The following SMG6 variants were observed in gnomAD, a reference collection of about 807,000 sequenced individuals.
SMG6 encodes SMG6 nonsense mediated mRNA decay factor, also known as telomerase-binding protein EST1A.
A neutral mutation model predicts 142.2 loss-of-function variants in SMG6; 66 were observed. That is an observed-to-expected ratio of 0.46 (90% confidence interval 0.38 to 0.57). The LOEUF (loss-of-function observed/expected upper bound fraction) is 0.57, where lower values mean the gene tolerates loss of function less well. SMG6 is among the 20% of genes least tolerant of loss of function. The pLI, the probability that SMG6 is intolerant of heterozygous loss-of-function variation, is 0.00. For missense variants in SMG6, 1,793 were observed against 1,832.0 expected (o/e 0.98, Z 0.39); for synonymous variants, 779 against 702.4 (o/e 1.11, Z -1.72).
At chr17:2,297,681 CA>C (rs1165145325) in intron 3 of SMG6, among the ~76,000 whole-genome samples, 181 bp downstream of exon 3, 2 of 152,126 alleles carry the variant, frequency 1.3e-5, no homozygotes, top group African/African-American at 4.8e-5. Context: ...CTCAAAACTC[CA>C]ATTGCCAGTA....
chr17:2,299,697 G>C lies in SMG6; in HGVS notation c.1056C>G (p.Val352=), dbSNP rs147222873. 6.2e-7 allele frequency: 1 copy of C among 1,614,048 alleles called. No individual in the cohort carries two copies. Among genetic ancestry groups the C allele is most frequent in the African/African-American group, 1.3e-5 (1 of 74,914 alleles). Residue 352 remains valine (V), a synonymous_variant, in exon 2 of 19, where the codon GTC becomes GTG. Coordinates refer to ENST00000263073, the MANE Select transcript of SMG6 (RefSeq NM_017575.5). This position sits in a 1 kb window ranked among gnomAD's most constrained non-coding sequence, Gnocchi z 4.3. The part of the protein sequence containing the change: ...SAKEYRGTLR[V]TFDAEAMNKE... ...TGTTCATGGCTTCTGCATCGAAAGT[G>C]ACACGAAGAGTGCCTCGATATTCTT... is the stretch of plus-strand genomic sequence containing the variant.
Position 2,244,477 on chromosome 17 carries a change from T to C in SMG6, c.2723+181A>G, listed in dbSNP as rs559809715. 4.6e-5 allele frequency among the ~76,000 whole-genome samples: 7 copies of C among 152,156 alleles called. No individual in the cohort carries two copies. In the South Asian group the frequency reaches 1.5e-3, roughly 32 times the overall value. ...AAGAAACAAGAGAGATAGAGAGTAA[T>C]ATTTACCAAATTTCATGAGCACAGT... On this transcript the variant is annotated intron_variant, in intron 9 of 18. Coordinates refer to ENST00000263073, the MANE Select transcript of SMG6 (RefSeq NM_017575.5).
intron 8 of SMG6, chr17:2,265,923 G>T: frequency 1.1e-6 from 1 of 917,660 alleles, no homozygotes; most frequent in Non-Finnish European, 1.3e-6. Context: ...TCAGAACTTA[G>T]CCTTACCACC....
At chr17:2,153,424 T>C (rs2070887069) in intron 13 of SMG6, among the ~76,000 whole-genome samples, 2 of 152,242 alleles carry the variant, frequency 1.3e-5, no homozygotes, top group African/African-American at 4.8e-5. Context: ...AAATGGTCTA[T>C]ATCTTAATTG....
intron 13 of SMG6, among the ~76,000 whole-genome samples, chr17:2,099,833 C>T (rs569053206): frequency 1.1e-4 from 17 of 152,258 alleles, no homozygotes; most frequent in African/African-American, 2.6e-4. Flanking sequence ...CACAATCACA[C>T]GCTGAGCTTA....
chr17:2,135,996 ATG>A (rs545225787), intron 13 of SMG6, among the ~76,000 whole-genome samples: 24,302 of 140,950 alleles, frequency 0.17, 1,910 homozygotes, highest in East Asian at 0.26. Context: ...ATATATATTT[ATG>A]TGTGTGTGTG....
chr17:2,126,483 T>C (rs1252411563), intron 13 of SMG6, among the ~76,000 whole-genome samples: 3 of 152,044 alleles, frequency 2.0e-5, no homozygotes, highest in Admixed American at 1.3e-4. Flanking sequence ...CCCAGCACTT[T>C]GGGAGGCTGA....
intron 15 of SMG6, 71 bp downstream of exon 15, chr17:2,081,739 C>A: frequency 6.4e-7 from 1 of 1,569,502 alleles, no homozygotes. Flanking sequence ...GCTCTGCTCT[C>A]TGCCCACATC....
chr17:2,300,571 T>C lies in SMG6; in HGVS notation c.182A>G (p.Asn61Ser), dbSNP rs1023583648. 2 of 1,614,072 alleles carry C rather than the reference T, an allele frequency of 1.2e-6. No homozygotes were observed. Among genetic ancestry groups the C allele is most frequent in the Non-Finnish European group, 1.7e-6 (2 of 1,179,952 alleles). The change falls in exon 2 of 19, where the codon AAC (asparagine) becomes AGC (serine). Residue 61 changes from asparagine (N) to serine (S), a missense_variant. Physicochemically the swap from Asn to Ser is conservative, Grantham distance 46 (BLOSUM62 1). Transcript: ENST00000263073. ...IYKPGLSRLR[N>S]KPKIKEPPGS... Reference sequence around the variant, plus strand: ...AGGGGGTTCCTTGATTTTGGGCTTGTTCCTTAGCCGAGAAAGGCCAGGCTT... The same window carrying C: ...AGGGGGTTCCTTGATTTTGGGCTTGCTCCTTAGCCGAGAAAGGCCAGGCTT...
intron 13 of SMG6, among the ~76,000 whole-genome samples, chr17:2,112,658 T>C (rs1463954027): frequency 1.3e-5 from 2 of 151,262 alleles, no homozygotes; most frequent in Non-Finnish European, 2.9e-5. Context: ...CACTAGGGAA[T>C]TGAGAACAAA....
chr17:2,127,139 A>C (rs988149179), intron 13 of SMG6, among the ~76,000 whole-genome samples: 19 of 121,670 alleles, frequency 1.6e-4, no homozygotes, highest in Admixed American at 3.1e-4. Context: ...ACCTTGTCTC[A>C]AAAAAAAAAA....
intron 10 of SMG6, 59 bp downstream of exon 10, chr17:2,236,433 G>A (rs2073654863): frequency 6.5e-7 from 1 of 1,547,490 alleles, no homozygotes; most frequent in South Asian, 1.2e-5. Context: ...ACACAAGAAA[G>A]AAGCTACATT....
intron 10 of SMG6, among the ~76,000 whole-genome samples, chr17:2,213,381 T>C (rs1031124381): frequency 6.6e-6 from 1 of 152,150 alleles, no homozygotes; most frequent in African/African-American, 2.4e-5. Flanking sequence ...GTGCCACAGA[T>C]GGAGCTGTGG....
At chr17:2,283,006 A>G (rs1244474601) in intron 7 of SMG6, 147 bp from the exon 8 acceptor site, 1 of 696,550 alleles carries the variant, frequency 1.4e-6, no homozygotes, top group East Asian at 2.7e-5. Context: ...CCCTGTCTCT[A>G]CTAAAAATAC....
At chr17:2,152,286 G>A (rs1044631739) in intron 13 of SMG6, among the ~76,000 whole-genome samples, 4 of 152,162 alleles carry the variant, frequency 2.6e-5, no homozygotes, top group Admixed American at 2.6e-4. Flanking sequence ...AGCTTCAAAA[G>A]GGGTGGTCCT....
At chr17:2,147,930 C>T (rs780307466) in intron 13 of SMG6, among the ~76,000 whole-genome samples, 5 of 152,138 alleles carry the variant, frequency 3.3e-5, no homozygotes, top group East Asian at 1.9e-4. Flanking sequence ...CGGTGCCTCA[C>T]GCCTTAAATC....
At chr17:2,119,522 C>A (rs1035612371) in intron 13 of SMG6, among the ~76,000 whole-genome samples, 3 of 151,870 alleles carry the variant, frequency 2.0e-5, no homozygotes, top group African/African-American at 7.3e-5. Flanking sequence ...TTATTTGAGA[C>A]GGAGTCTTGC....
At chr17:2,271,533 G>C (rs983935197) in intron 8 of SMG6, among the ~76,000 whole-genome samples, 14 of 151,506 alleles carry the variant, frequency 9.2e-5, no homozygotes, top group Non-Finnish European at 1.8e-4. Context: ...GGCCAACACG[G>C]TGAAACCCCG....
At chr17:2,104,894 G>A (rs544766181) in intron 13 of SMG6, among the ~76,000 whole-genome samples, 1 of 151,968 alleles carries the variant, frequency 6.6e-6, no homozygotes, top group Non-Finnish European at 1.5e-5. Flanking sequence ...TTCACAAAGA[G>A]TATAGGGAAA....
Sources: allele counts gnomAD v4.1 joint callset (sites outside exome capture counted in the v4.1 genomes callset), GRCh38; gene constraint gnomAD v4.1.1; non-coding constraint Gnocchi (gnomAD v3.1); transcripts MANE v1.5; gene names NCBI Gene and HGNC (gene_info 2026-07-23, HGNC 2026-07-21).